DHX57: variants seen among roughly 807,000 people sequenced by gnomAD.
DHX57 encodes putative ATP-dependent RNA helicase DHX57.
A neutral mutation model predicts 156.2 loss-of-function variants in DHX57; 105 were observed. The observed-to-expected ratio is 0.67, with a 90% CI of 0.57 to 0.79. The LOEUF is 0.79. Ranked by LOEUF, DHX57 falls within the 30% of genes least tolerant of loss-of-function variation. The probability of loss-of-function intolerance (pLI) is 0.00; values close to 1 mark genes in which losing one functional copy is unlikely to be tolerated. For synonymous variants in DHX57, 704 were observed against 595.6 expected, an observed-to-expected ratio of 1.18 and a Z score of -2.65; for missense variants, 1,847 against 1,661.9, an observed-to-expected ratio of 1.11 and a Z score of -1.94.
chr2:38,837,996 T>C, intron 12 of DHX57, 49 bp from the exon 13 acceptor site: 13 of 1,165,168 alleles, frequency 1.1e-5, no homozygotes, highest in Non-Finnish European at 1.7e-5. Flanking sequence ...ACCTTGTTGA[T>C]GTATTTTATT....
chr2:38,874,088 TTTTC>T (rs1226942005), intron 1 of DHX57, among the ~76,000 whole-genome samples: 2 of 143,550 alleles, frequency 1.4e-5, no homozygotes, highest in Admixed American at 7.2e-5. Context: ...GTCTTTTCTT[TTTTC>T]TTTCTTTCTT....
intron 13 of DHX57, among the ~76,000 whole-genome samples, chr2:38,832,665 C>T (rs1460922249): frequency 6.6e-6 from 1 of 151,566 alleles, no homozygotes. Flanking sequence ...CCTGCCTCAG[C>T]CTCCCAAGTA....
chr2:38,826,213 A>G (rs1671080222), intron 15 of DHX57, among the ~76,000 whole-genome samples, 166 bp from the exon 16 acceptor site: 1 of 152,224 alleles, frequency 6.6e-6, no homozygotes, highest in South Asian at 2.1e-4. Context: ...TGCTGATTTA[A>G]GTGGCATCAA....
intron 9 of DHX57, among the ~76,000 whole-genome samples, chr2:38,851,841 T>C (rs1158613528): frequency 2.6e-5 from 4 of 152,218 alleles, no homozygotes; most frequent in African/African-American, 9.6e-5. Flanking sequence ...TTATTTGGCT[T>C]CCTCTTCCAA....
intron 2 of DHX57, among the ~76,000 whole-genome samples, chr2:38,865,984 C>G (rs1267702608): frequency 6.6e-6 from 1 of 152,140 alleles, no homozygotes; most frequent in East Asian, 1.9e-4. Flanking sequence ...CACAAAGGTT[C>G]CTGGCTGGGA....
At chr2:38,873,946 A>C (rs1250124823) in intron 1 of DHX57, among the ~76,000 whole-genome samples, 2 of 152,152 alleles carry the variant, frequency 1.3e-5, no homozygotes, top group Non-Finnish European at 2.9e-5. Context: ...CTCGGTATAC[A>C]CAGGGGATTG....
At chr2:38,813,942 T>C in intron 20 of DHX57, 47 bp from the exon 21 acceptor site, 2 of 1,582,368 alleles carry the variant, frequency 1.3e-6, no homozygotes. Context: ...TGGCTATTTC[T>C]TTTTTTTCTT....
intron 23 of DHX57, among the ~76,000 whole-genome samples, chr2:38,799,268 A>C (rs1329520364): frequency 1.3e-5 from 2 of 151,850 alleles, no homozygotes; most frequent in Admixed American, 6.6e-5. Flanking sequence ...TGGGAGGCTA[A>C]GGCAGGAGAA....
intron 5 of DHX57, among the ~76,000 whole-genome samples, chr2:38,859,945 G>A (rs1213805689): frequency 6.6e-6 from 1 of 151,586 alleles, no homozygotes; most frequent in Non-Finnish European, 1.5e-5. Flanking sequence ...TGAGTACCTG[G>A]GACTCAGAGG....
At position 38,868,292 on chromosome 2, in the gene DHX57, G is replaced by T; in HGVS notation, c.114C>A (p.Gly38=). The change falls in exon 2 of 24, where the codon GGC becomes GGA. Residue 38 remains glycine, a synonymous_variant. Coordinates refer to ENST00000457308, the MANE Select transcript of DHX57 (RefSeq NM_198963.3). ...SHASKSHGSG[G]GGGGGGGGGG... ...CTCCACCACCACCACCACCGCCACCGCCACCACTCCCATGAGATTTACTGG... is the reference window on the plus strand; with the variant it reads ...CTCCACCACCACCACCACCGCCACCTCCACCACTCCCATGAGATTTACTGG... The T allele has an allele frequency of 8.0e-7, 1 of 1,250,456 alleles. No individual in the cohort carries two copies. The highest frequency in any genetic ancestry group is 1.1e-6 in the Non-Finnish European group (1 of 910,704). 77.5% of individuals were successfully genotyped at this position (1,250,456 alleles called of 1,614,324 possible).
chr2:38,863,750 C>T (rs113623443), intron 2 of DHX57, among the ~76,000 whole-genome samples: 6,354 of 152,244 alleles, frequency 0.042, 183 homozygotes, highest in Non-Finnish European at 0.059. Context: ...CAGTGGCTCA[C>T]GCCTGTAATC....
chr2:38,858,784 A>T lies in DHX57; in HGVS notation c.1464T>A (p.Pro488=). 6.2e-7 allele frequency: 1 copy of T among 1,614,020 alleles called. No individual in the cohort carries two copies. The highest frequency in any genetic ancestry group is 8.5e-7 in the Non-Finnish European group (1 of 1,179,980). The change falls in exon 6 of 24, where the codon CCT becomes CCA. Residue 488 remains proline, a synonymous_variant. Transcript: ENST00000457308. ...EESDEDDGPA[P]VIVENESYVN... ...CATAGCTTTCATTCTCTACTATAACAGGTGCAGGACCGTCATCCTCATCTG... is the reference window on the plus strand; with the variant it reads ...CATAGCTTTCATTCTCTACTATAACTGGTGCAGGACCGTCATCCTCATCTG...
intron 22 of DHX57, among the ~76,000 whole-genome samples, chr2:38,804,448 C>G (rs539883846): frequency 1.0e-3 from 159 of 152,162 alleles, no homozygotes; most frequent in African/African-American, 3.6e-3. Context: ...TGAGATTGTG[C>G]CACTGCACTC....
intron 12 of DHX57, among the ~76,000 whole-genome samples, 182 bp downstream of exon 12, chr2:38,842,823 T>G (rs1280233164): frequency 1.3e-5 from 2 of 152,214 alleles, no homozygotes; most frequent in African/African-American, 4.8e-5. Context: ...TTGGCAAATA[T>G]AGTAACAATT....
chr2:38,868,650 A>C (rs1271822081), intron 1 of DHX57, among the ~76,000 whole-genome samples: 1 of 152,212 alleles, frequency 6.6e-6, no homozygotes, highest in Non-Finnish European at 1.5e-5. Context: ...AAAGATTTAT[A>C]AGCACTTCTA....
intron 3 of DHX57, chr2:38,863,129 C>A (rs1673322313): frequency 2.2e-6 from 1 of 459,288 alleles, no homozygotes; most frequent in Non-Finnish European, 3.8e-6. Flanking sequence ...CATATGAGCA[C>A]TGCCCTGGAA....
chr2:38,804,025 G>T (rs1158967682), intron 22 of DHX57, among the ~76,000 whole-genome samples: 1 of 152,038 alleles, frequency 6.6e-6, no homozygotes, highest in African/African-American at 2.4e-5. Flanking sequence ...CAAGTCATCC[G>T]CCCGCCTCGG....
At chr2:38,838,884 C>A in intron 12 of DHX57, 1 of 417,024 alleles carries the variant, frequency 2.4e-6, no homozygotes, top group Non-Finnish European at 4.8e-6. Flanking sequence ...ATCTGGTAAA[C>A]GATGTAGTTC....
chr2:38,813,170 G>C (rs1404169928), intron 21 of DHX57, among the ~76,000 whole-genome samples: 1 of 152,000 alleles, frequency 6.6e-6, no homozygotes, highest in Non-Finnish European at 1.5e-5. Context: ...TCAGAGTAGA[G>C]AGTGTAAGAT....
Sources: gnomAD v4.1 joint callset for allele counts (sites outside exome capture counted in the v4.1 genomes callset) on GRCh38, gnomAD v4.1.1 for gene constraint, MANE v1.5 for transcripts, NCBI Gene and HGNC (gene_info 2026-07-23, HGNC 2026-07-21) for gene names.